RANBP9: variants seen among roughly 807,000 people sequenced by gnomAD.
The protein encoded by RANBP9 is ran-binding protein 9.
A neutral mutation model predicts 84.3 loss-of-function variants in RANBP9; 15 were observed. That is an observed-to-expected ratio of 0.18 (90% CI 0.12 to 0.27). The LOEUF is 0.27. Ranked by LOEUF, RANBP9 falls within the 10% of genes least tolerant of loss-of-function variation. RANBP9 has a pLI of 1.00. For missense variants in RANBP9, 809 were observed against 912.8 expected (o/e 0.89, Z 1.46); for synonymous variants, 392 against 349.6 (o/e 1.12, Z -1.35).
At chr6:13,701,364 T>C (rs557601630) in intron 1 of RANBP9, among the ~76,000 whole-genome samples, 4 of 152,202 alleles carry the variant, frequency 2.6e-5, no homozygotes, top group Non-Finnish European at 5.9e-5. Context: ...TTTAGAAATG[T>C]TGTCAGCTTA....
chr6:13,679,471 C>T (rs1052101217), intron 2 of RANBP9, among the ~76,000 whole-genome samples: 1 of 152,110 alleles, frequency 6.6e-6, no homozygotes, highest in Admixed American at 6.5e-5. Flanking sequence ...ACTACAACAA[C>T]AACAAAACAC....
intron 2 of RANBP9, among the ~76,000 whole-genome samples, chr6:13,692,539 A>AAAC (rs1554226956): frequency 1.4e-5 from 2 of 146,984 alleles, no homozygotes; most frequent in African/African-American, 2.5e-5. Context: ...AAAAAAAAAA[A>AAAC]AAAAAAAAAA....
intron 1 of RANBP9, among the ~76,000 whole-genome samples, chr6:13,709,470 T>C (rs575306342): frequency 6.6e-6 from 1 of 152,258 alleles, no homozygotes; most frequent in African/African-American, 2.4e-5. Flanking sequence ...AATAGCTTTC[T>C]GGCAGCCAGA....
intron 1 of RANBP9, among the ~76,000 whole-genome samples, chr6:13,710,021 G>A (rs1489367990): frequency 6.6e-6 from 1 of 152,036 alleles, no homozygotes; most frequent in Non-Finnish European, 1.5e-5. Context: ...AAGTAAACTT[G>A]ATACATGCTA....
chr6:13,654,816 T>C (rs1169930024), intron 4 of RANBP9, among the ~76,000 whole-genome samples: 2 of 152,218 alleles, frequency 1.3e-5, no homozygotes, highest in Non-Finnish European at 1.5e-5. Context: ...AGAGAAGTAA[T>C]TTCTGCTCAT....
At chr6:13,679,642 A>G (rs965478123) in intron 2 of RANBP9, among the ~76,000 whole-genome samples, 2 of 152,300 alleles carry the variant, frequency 1.3e-5, no homozygotes, top group East Asian at 3.9e-4. Flanking sequence ...CCATATTTAA[A>G]ATCTTGTTTT....
At chr6:13,634,618 A>G (rs527966615) in intron 10 of RANBP9, 66 bp from the exon 11 acceptor site, 34 of 1,398,266 alleles carry the variant, frequency 2.4e-5, no homozygotes, top group Admixed American at 1.3e-4. Flanking sequence ...AAAATAAATC[A>G]CTACTGAACT....
intron 9 of RANBP9, among the ~76,000 whole-genome samples, chr6:13,639,081 A>G (rs1431577040): frequency 6.6e-6 from 1 of 152,194 alleles, no homozygotes; most frequent in East Asian, 1.9e-4. Context: ...CTGTTCTTCA[A>G]GTGACTTCCT....
intron 10 of RANBP9, among the ~76,000 whole-genome samples, chr6:13,637,550 T>C (rs1331664209): frequency 6.6e-6 from 1 of 152,154 alleles, no homozygotes; most frequent in East Asian, 1.9e-4. Flanking sequence ...CATGAAGCCC[T>C]GAATTTGTCC....
chr6:13,685,775 A>G (rs1029745414), intron 2 of RANBP9, among the ~76,000 whole-genome samples: 1 of 151,964 alleles, frequency 6.6e-6, no homozygotes, highest in Non-Finnish European at 1.5e-5. Context: ...TGAAAATACA[A>G]AAAGTAGCTG....
At chr6:13,632,757 C>G in intron 11 of RANBP9, 1 of 379,606 alleles carries the variant, frequency 2.6e-6, no homozygotes, top group Non-Finnish European at 4.7e-6. Context: ...GAGGGGACAA[C>G]CTTTCAGTGT....
intron 2 of RANBP9, among the ~76,000 whole-genome samples, chr6:13,694,843 A>C (rs1766405264): frequency 6.6e-6 from 1 of 152,144 alleles, no homozygotes; most frequent in Non-Finnish European, 1.5e-5. Context: ...CTGAAAAAAA[A>C]CATAGTATAT....
At chr6:13,688,985 A>AAAAAAG in intron 2 of RANBP9, among the ~76,000 whole-genome samples, 1 of 139,452 alleles carries the variant, frequency 7.2e-6, no homozygotes, top group Non-Finnish European at 1.5e-5. Context: ...ATCTCCACAA[A>AAAAAAG]AAAAAAAAAA....
At chr6:13,674,705 T>C (rs1245444467) in intron 2 of RANBP9, among the ~76,000 whole-genome samples, 1 of 152,166 alleles carries the variant, frequency 6.6e-6, no homozygotes, top group Non-Finnish European at 1.5e-5. Flanking sequence ...GACCAATCAT[T>C]ACCTCCTCCT....
chr6:13,627,014 C>T lies in RANBP9; in HGVS notation c.1948-1250G>A, dbSNP rs114379659. On this transcript the variant is annotated intron_variant, in intron 12 of 13. Transcript: ENST00000011619. ...ATACACGTGCCTCTACGCAAACACA[C>T]ATGGCTCCTCCATTGTTTTATATTG... 7.5e-3 allele frequency among the ~76,000 whole-genome samples: 1,144 copies of T among 152,340 alleles called. 21 individuals carry two copies. Among genetic ancestry groups the T allele is most frequent in the African/African-American group, 0.026 (1,075 of 41,578 alleles).
chr6:13,637,399 C>T (rs1764963971), intron 10 of RANBP9, among the ~76,000 whole-genome samples: 1 of 152,128 alleles, frequency 6.6e-6, no homozygotes, highest in African/African-American at 2.4e-5. Flanking sequence ...AACTCACACA[C>T]AGAGAAAAAA....
At chr6:13,653,177 TTTC>T (rs1408163030) in intron 4 of RANBP9, among the ~76,000 whole-genome samples, 1 of 152,178 alleles carries the variant, frequency 6.6e-6, no homozygotes, top group African/African-American at 2.4e-5. Flanking sequence ...TTAAAAAATG[TTTC>T]TTATGAAAGT....
At chr6:13,696,125 T>C (rs1423816644) in intron 2 of RANBP9, among the ~76,000 whole-genome samples, 9 of 152,180 alleles carry the variant, frequency 5.9e-5, no homozygotes, top group African/African-American at 2.2e-4. Flanking sequence ...AAAATGCCTA[T>C]CTTGCCCAAA....
chr6:13,634,183 T>G (rs1264771051), intron 11 of RANBP9, among the ~76,000 whole-genome samples: 1 of 152,178 alleles, frequency 6.6e-6, no homozygotes, highest in African/African-American at 2.4e-5. Flanking sequence ...TACTGCTGCA[T>G]TAGTGACAGC....
Sources: gnomAD v4.1 joint callset for allele counts (sites outside exome capture counted in the v4.1 genomes callset) on GRCh38, gnomAD v4.1.1 for gene constraint, MANE v1.5 for transcripts, NCBI Gene and HGNC (gene_info 2026-07-23, HGNC 2026-07-21) for gene names.